The following STEAP1B variants were observed in gnomAD, a reference collection of about 807,000 sequenced individuals.
The protein encoded by STEAP1B is STEAP family protein MGC87042.
STEAP1B carries 13 observed loss-of-function variants against 27.9 expected under a neutral mutation model. The observed-to-expected ratio is 0.47, with a 90% CI of 0.30 to 0.74. The LOEUF (loss-of-function observed/expected upper bound fraction) is 0.74. Ranked by LOEUF, STEAP1B falls within the 30% of genes least tolerant of loss-of-function variation. The pLI, the probability that STEAP1B is intolerant of heterozygous loss-of-function variation, is 0.06. For missense variants in STEAP1B, 250 were observed against 298.7 expected (o/e 0.84, Z 1.20); for synonymous variants, 86 against 107.1 (o/e 0.80, Z 1.22).
At chr7:22,494,744 T>A (rs750559432) in intron 2 of STEAP1B, 28 bp downstream of exon 2, 4 of 1,357,726 alleles carry the variant, frequency 2.9e-6, no homozygotes, top group Non-Finnish European at 4.1e-6. Flanking sequence ...TAAATTATTA[T>A]TTATTATTGT....
intron 4 of STEAP1B, among the ~76,000 whole-genome samples, chr7:22,461,818 C>G (rs1583642668): frequency 2.0e-5 from 3 of 152,224 alleles, no homozygotes; most frequent in Admixed American, 6.5e-5. Flanking sequence ...CAGATGTAAC[C>G]TATTCCAACA....
intron 4 of STEAP1B, among the ~76,000 whole-genome samples, chr7:22,470,924 C>G (rs1403993162): frequency 6.6e-6 from 1 of 152,158 alleles, no homozygotes; most frequent in Non-Finnish European, 1.5e-5. Context: ...TAATCCCTTA[C>G]TCTAGCAAAA....
chr7:22,476,603 A>C (rs961075638), intron 4 of STEAP1B, among the ~76,000 whole-genome samples: 8 of 152,160 alleles, frequency 5.3e-5, no homozygotes, highest in Admixed American at 5.2e-4. Context: ...AAAGATAAGG[A>C]ATGTATCTCC....
rs769091529 is a variant in STEAP1B at position 22,493,764 on chromosome 7, C to T, written c.157G>A (p.Asp53Asn). 3.1e-6 allele frequency: 5 copies of T among 1,613,678 alleles called. No individual in the cohort carries two copies. The African/African-American group carries it at 6.7e-5, about 22-fold the overall frequency. ...LLHLQQTAHA[D>N]EFDCPSELQH... Reference sequence around the variant, plus strand: ...AGTTCTGAAGGGCAGTCAAATTCATCAGCATGGGCTGTTTGCTGCAAATGC... The same window carrying T: ...AGTTCTGAAGGGCAGTCAAATTCATTAGCATGGGCTGTTTGCTGCAAATGC... The change falls in exon 3 of 5, where the codon GAT (aspartate) becomes AAT (asparagine). Residue 53 changes from aspartate to asparagine, a missense_variant. By Grantham distance (23) the Asp-to-Asn change is conservative. Transcript: ENST00000678116.
chr7:22,453,658 A>G (rs1413258589), intron 4 of STEAP1B, among the ~76,000 whole-genome samples: 1 of 152,264 alleles, frequency 6.6e-6, no homozygotes, highest in Non-Finnish European at 1.5e-5. Context: ...TGATCAAAAC[A>G]CAACATCAAA....
intron 4 of STEAP1B, among the ~76,000 whole-genome samples, chr7:22,456,966 A>ATTTTTTT (rs1301439928): frequency 2.7e-5 from 1 of 36,816 alleles, no homozygotes; most frequent in East Asian, 9.6e-4. Context: ...ATATATATAT[A>ATTTTTTT]TATATATTTT....
At chr7:22,439,593 T>C (rs747269836) in intron 4 of STEAP1B, among the ~76,000 whole-genome samples, 3 of 152,170 alleles carry the variant, frequency 2.0e-5, no homozygotes, top group African/African-American at 4.8e-5. Flanking sequence ...ATAGTAGTAA[T>C]AGGAATACAA....
At chr7:22,480,054 C>A (rs561358114) in intron 4 of STEAP1B, among the ~76,000 whole-genome samples, 2 of 152,302 alleles carry the variant, frequency 1.3e-5, no homozygotes, top group African/African-American at 4.8e-5. Context: ...CAGAGGACAT[C>A]TCCATCACTG....
rs557520316 is a variant in STEAP1B, at chr7:22,467,630, T to G, written c.762+24935A>C. On this transcript the variant is annotated intron_variant, in intron 4 of 4. Coordinates refer to ENST00000678116, the MANE Select transcript of STEAP1B (RefSeq NM_001382447.1). Reference sequence around the variant, plus strand: ...GTGAGTTAAGTCTCTCAAGATCTGATCATTTTATAAGGGGAAACCCCTTTT... The same window carrying G: ...GTGAGTTAAGTCTCTCAAGATCTGAGCATTTTATAAGGGGAAACCCCTTTT... Among the ~76,000 whole-genome samples, 677 of 152,290 alleles carry G rather than the reference T, an allele frequency of 4.4e-3. 3 individuals are homozygous for G. The highest frequency in any genetic ancestry group is 7.8e-3 in the Non-Finnish European group (534 of 68,030).
intron 4 of STEAP1B, among the ~76,000 whole-genome samples, chr7:22,429,304 C>T (rs940057419): frequency 6.6e-6 from 1 of 152,130 alleles, no homozygotes; most frequent in Non-Finnish European, 1.5e-5. Context: ...AAAAATAAAG[C>T]GTGGTACACT....
intron 4 of STEAP1B, among the ~76,000 whole-genome samples, chr7:22,479,647 T>G (rs1322402887): frequency 1.3e-5 from 2 of 149,598 alleles, no homozygotes; most frequent in African/African-American, 2.5e-5. Context: ...AGAGTGGCGT[T>G]GTGCAAGACA....
At chr7:22,487,804 C>CAA (rs200447382) in intron 4 of STEAP1B, among the ~76,000 whole-genome samples, 31 of 81,342 alleles carry the variant, frequency 3.8e-4, no homozygotes, top group Admixed American at 6.6e-4. Context: ...AAACTCCACC[C>CAA]AAAAAAAAAA....
intron 4 of STEAP1B, among the ~76,000 whole-genome samples, chr7:22,451,925 CCTT>C (rs756895710): frequency 6.6e-6 from 1 of 152,116 alleles, no homozygotes; most frequent in Non-Finnish European, 1.5e-5. Flanking sequence ...GAAGTACACT[CCTT>C]CTCTATTTTT....
At chr7:22,485,494 T>C (rs1786187442) in intron 4 of STEAP1B, among the ~76,000 whole-genome samples, 1 of 152,208 alleles carries the variant, frequency 6.6e-6, no homozygotes, top group Non-Finnish European at 1.5e-5. Context: ...TGAACAACTT[T>C]TTTATTTTTT....
rs117262163 is a variant in STEAP1B at position 22,480,720 on chromosome 7, G to A, written c.762+11845C>T. Among the ~76,000 whole-genome samples, 30 of 152,264 alleles carry A rather than the reference G, an allele frequency of 2.0e-4. No individual in the cohort carries two copies. The East Asian group carries it at 5.8e-3, about 29-fold the overall frequency. ...GTGCTGATGTGCCTTTAGGTGCAGC[G>A]GGTTTGTTGCTGCTATGTTTGGGCT... is the stretch of plus-strand genomic sequence containing the variant. On this transcript the variant is annotated intron_variant, in intron 4 of 4. Transcript: ENST00000678116.
intron 1 of STEAP1B, among the ~76,000 whole-genome samples, chr7:22,495,125 C>A (rs536559472): frequency 6.6e-6 from 1 of 152,314 alleles, no homozygotes; most frequent in Admixed American, 6.5e-5. Flanking sequence ...CAATGAATAA[C>A]CCAGGTGCCT....
intron 4 of STEAP1B, among the ~76,000 whole-genome samples, chr7:22,467,478 T>C (rs1458287048): frequency 2.0e-5 from 3 of 152,220 alleles, no homozygotes; most frequent in African/African-American, 7.2e-5. Flanking sequence ...CTGATATGGT[T>C]TGGCTATGTC....
intron 4 of STEAP1B, among the ~76,000 whole-genome samples, chr7:22,424,740 T>A (rs529227971): frequency 6.6e-6 from 1 of 152,280 alleles, no homozygotes; most frequent in South Asian, 2.1e-4. Flanking sequence ...GAACTACATG[T>A]CTCATTATCA....
intron 4 of STEAP1B, among the ~76,000 whole-genome samples, chr7:22,456,364 G>C (rs552189160): frequency 6.6e-6 from 1 of 152,188 alleles, no homozygotes; most frequent in African/African-American, 2.4e-5. Flanking sequence ...AAGCATTCCA[G>C]TGGCAACTCT....
Sources: gnomAD v4.1 joint callset for allele counts (sites outside exome capture counted in the v4.1 genomes callset) on GRCh38, gnomAD v4.1.1 for gene constraint, MANE v1.5 for transcripts, NCBI Gene and HGNC (gene_info 2026-07-23, HGNC 2026-07-21) for gene names.